The following ANKHD1 variants were observed in gnomAD, a reference collection of about 807,000 sequenced individuals.
ANKHD1 encodes the protein ankyrin repeat and KH domain containing 1, also known as ankyrin repeat and KH domain-containing protein 1.
Under a neutral mutation model 230.5 loss-of-function variants are expected in ANKHD1, and 31 were observed. The observed-to-expected ratio is 0.13, with a 90% CI of 0.10 to 0.18. The LOEUF (loss-of-function observed/expected upper bound fraction) is 0.18. Ranked by LOEUF, ANKHD1 falls within the 10% of genes least tolerant of loss-of-function variation. ANKHD1 has a pLI of 1.00. For synonymous variants in ANKHD1, 1,074 were observed against 1,117.6 expected, an observed-to-expected ratio of 0.96 and a Z score of 0.78; for missense variants, 2,256 against 3,071.3, an observed-to-expected ratio of 0.73 and a Z score of 6.27.
At chr5:140,490,502 T>G (rs1472651175) in intron 14 of ANKHD1, among the ~76,000 whole-genome samples, 1 of 152,210 alleles carries the variant, frequency 6.6e-6, no homozygotes, top group Non-Finnish European at 1.5e-5. Context: ...CTAGGTGGCA[T>G]CTAACAGAGG....
chr5:140,509,722 A>G lies in ANKHD1; in HGVS notation c.3851A>G (p.Asn1284Ser). ...CTTCTTGATAAAGGAGCAGATGTTA[A>G]TGCTCCCCCTGTGCCTTCCTCAAGA... ...RVLLDKGADV[N>S]APPVPSSRDT... Residue 1284 changes from asparagine (N) to serine (S), a missense_variant, in exon 21 of 34, where the codon AAT becomes AGT. By Grantham distance (46) the Asn-to-Ser change is conservative. Transcript: ENST00000360839. 1 of 1,613,350 alleles carries G rather than the reference A, an allele frequency of 6.2e-7. No homozygotes were observed. The highest frequency in any genetic ancestry group is 2.2e-5 in the East Asian group (1 of 44,862).
At chr5:140,402,791 G>A (rs1177000302) in intron 1 of ANKHD1, among the ~76,000 whole-genome samples, 1 of 151,988 alleles carries the variant, frequency 6.6e-6, no homozygotes. Flanking sequence ...TTGAGTATTA[G>A]GGATCTCTCG....
intron 29 of ANKHD1, chr5:140,531,355 T>G (rs1753807922): frequency 2.5e-6 from 1 of 399,568 alleles, no homozygotes; most frequent in South Asian, 1.8e-5. Context: ...CTGAGGCGAG[T>G]GGTTTACATG....
intron 1 of ANKHD1, among the ~76,000 whole-genome samples, chr5:140,418,434 C>T (rs1387969072): frequency 1.3e-5 from 2 of 152,238 alleles, no homozygotes; most frequent in Non-Finnish European, 2.9e-5. Flanking sequence ...TGGTGTGAGC[C>T]ACTACGCCTG....
At position 140,487,043 on chromosome 5, in the gene ANKHD1, T is replaced by G; in HGVS notation, c.2228T>G (p.Leu743Arg). Residue 743 changes from leucine to arginine, a missense_variant, in exon 14 of 34, where the codon CTT (leucine) becomes CGT (arginine). Coordinates refer to ENST00000360839, the MANE Select transcript of ANKHD1 (RefSeq NM_017747.3). Reference protein sequence around the residue: ...DRTSQENSPALLGVQKGTSKQ... With the variant: ...DRTSQENSPARLGVQKGTSKQ... ...ACTTCACAGGAGAACTCTCCTGCCC[T>G]TTTAGGAGTGCAAAAAGGTTAGTTA... 2 of 1,610,598 alleles carry G rather than the reference T, an allele frequency of 1.2e-6. No homozygotes were observed. The highest frequency in any genetic ancestry group is 1.7e-6 in the Non-Finnish European group (2 of 1,178,268).
At chr5:140,439,673 A>G (rs969756671) in intron 3 of ANKHD1, among the ~76,000 whole-genome samples, 1 of 152,140 alleles carries the variant, frequency 6.6e-6, no homozygotes, top group Non-Finnish European at 1.5e-5. Flanking sequence ...CTGTCTCAAA[A>G]CCAAAACAAA....
chr5:140,489,384 G>A (rs1751667833), intron 14 of ANKHD1, among the ~76,000 whole-genome samples: 1 of 151,954 alleles, frequency 6.6e-6, no homozygotes, highest in Admixed American at 6.6e-5. Context: ...CAGCTACTCA[G>A]GAAGCTGAGG....
intron 9 of ANKHD1, among the ~76,000 whole-genome samples, chr5:140,462,180 GT>G (rs1339805302): frequency 6.7e-6 from 1 of 148,548 alleles, no homozygotes; most frequent in South Asian, 2.1e-4. Context: ...TTTTTTTTTT[GT>G]TTTTTAATGG....
intron 10 of ANKHD1, among the ~76,000 whole-genome samples, chr5:140,471,350 G>T (rs962395992): frequency 6.6e-6 from 1 of 152,150 alleles, no homozygotes; most frequent in African/African-American, 2.4e-5. Context: ...GGAACTTCTT[G>T]ATAGGTTCCA....
intron 1 of ANKHD1, among the ~76,000 whole-genome samples, chr5:140,429,831 C>T (rs775800058): frequency 6.6e-5 from 10 of 152,104 alleles, no homozygotes; most frequent in Non-Finnish European, 1.0e-4. Flanking sequence ...AATTATAGCG[C>T]TACATAGAAA....
intron 24 of ANKHD1, among the ~76,000 whole-genome samples, chr5:140,523,190 A>T (rs1753439706): frequency 7.0e-6 from 1 of 143,172 alleles, no homozygotes; most frequent in Non-Finnish European, 1.5e-5. Flanking sequence ...ATAGCTCACT[A>T]GAGCCTCAAA....
chr5:140,459,142 A>T (rs1321273660), intron 8 of ANKHD1, 22 bp from the exon 9 acceptor site: 3 of 1,495,876 alleles, frequency 2.0e-6, no homozygotes, highest in Admixed American at 2.2e-5. Flanking sequence ...AACTAATTTT[A>T]TCTGTTTTTA....
At chr5:140,449,920 A>G (rs1774580851) in intron 7 of ANKHD1, among the ~76,000 whole-genome samples, 1 of 152,192 alleles carries the variant, frequency 6.6e-6, no homozygotes, top group Non-Finnish European at 1.5e-5. Flanking sequence ...GATAGCCTAT[A>G]AAACATTTAA....
intron 24 of ANKHD1, among the ~76,000 whole-genome samples, chr5:140,514,173 G>A (rs1410819264): frequency 7.1e-6 from 1 of 141,086 alleles, no homozygotes; most frequent in African/African-American, 2.6e-5. Flanking sequence ...AACAGATCGA[G>A]ACTCTCTCTC....
intron 7 of ANKHD1, among the ~76,000 whole-genome samples, chr5:140,449,557 G>A (rs1484485755): frequency 6.6e-6 from 1 of 152,036 alleles, no homozygotes; most frequent in African/African-American, 2.4e-5. Flanking sequence ...AGCTACTCGG[G>A]AGGCTGAGGC....
At position 140,485,497 on chromosome 5, in the gene ANKHD1, C is replaced by T; in HGVS notation, c.1999-92C>T. Reference sequence around the variant, plus strand: ...AAAATATGTTTGATCTATCTTAGTGCTTAGTATTTAATACTGTTTAAATGA... The same window carrying T: ...AAAATATGTTTGATCTATCTTAGTGTTTAGTATTTAATACTGTTTAAATGA... On this transcript the variant is annotated intron_variant, in intron 12 of 33. Transcript: ENST00000360839. This position sits in a 1 kb window ranked among gnomAD's most constrained non-coding sequence, Gnocchi z 4.8. 6.6e-7 allele frequency: 1 copy of T among 1,517,420 alleles called. No homozygotes were observed. The highest frequency in any genetic ancestry group is 2.3e-5 in the East Asian group (1 of 42,970). The allele number at this position is 1,517,420 out of a possible 1,614,324, so 94.0% of individuals were successfully genotyped here. A position where few individuals can be genotyped will look rare whatever the true frequency, so the allele number is the denominator to read the frequency against.
In ANKHD1 at chr5:140,457,850, T is replaced by TA. The variant is rs983828917; in HGVS notation, c.1243-764dup. 3.4e-4 allele frequency among the ~76,000 whole-genome samples: 48 copies of TA among 139,786 alleles called. 1 individual carries two copies. Among genetic ancestry groups the TA allele is most frequent in the South Asian group, 6.8e-4 (3 of 4,422 alleles). The allele number at this position is 139,786 out of a possible 152,430, so 91.7% of individuals were successfully genotyped here. A position where few individuals can be genotyped will look rare whatever the true frequency, so the allele number is the denominator to read the frequency against. The stretch of plus-strand genomic sequence containing the variant: ...CACATGTACCCTAGAACTTAAAGTA[T>TA]AAAAAAAAAAAGACCTACATAAATT... On this transcript the variant is annotated intron_variant, in intron 7 of 33. Transcript: ENST00000360839.
chr5:140,538,251 A>G lies in ANKHD1; in HGVS notation c.7394A>G (p.Asp2465Gly). 1 of 1,613,050 alleles carries G rather than the reference A, an allele frequency of 6.2e-7. No individual in the cohort carries two copies. The highest frequency in any genetic ancestry group is 8.5e-7 in the Non-Finnish European group (1 of 1,179,644). Residue 2465 changes from aspartate (D) to glycine (G), a missense_variant, in exon 32 of 34, where the codon GAT (aspartate) becomes GGT (glycine). Around this residue, in one of 13 missense-constraint regions of ANKHD1, gnomAD observed 778 missense variants for 966.5 expected, o/e 0.80. Coordinates refer to ENST00000360839, the MANE Select transcript of ANKHD1 (RefSeq NM_017747.3). Reference protein sequence around the residue: ...FHQPMASGFVDFSKGLPISMY... With the variant: ...FHQPMASGFVGFSKGLPISMY... ...CAGCCTATGGCAAGTGGTTTTGTGG[A>G]TTTTTCTAAAGTGAGTTGACAAACA...
intron 7 of ANKHD1, among the ~76,000 whole-genome samples, chr5:140,455,483 A>G (rs370474047): frequency 2.6e-5 from 4 of 152,144 alleles, no homozygotes; most frequent in African/African-American, 4.8e-5. Context: ...CTGGCAAACC[A>G]AATCCAGCAG....
Sources: gnomAD v4.1 joint callset for allele counts (sites outside exome capture counted in the v4.1 genomes callset) on GRCh38, gnomAD v4.1.1 for gene constraint, gnomAD v4.1.1 regional missense constraint, Gnocchi (gnomAD v3.1) non-coding constraint, MANE v1.5 for transcripts, NCBI Gene and HGNC (gene_info 2026-07-23, HGNC 2026-07-21) for gene names.